Variants in ANKRD50 observed in about 807,000 individuals in gnomAD.
ANKRD50 encodes ankyrin repeat domain-containing protein 50.
In ANKRD50, 40 loss-of-function variants were observed where a neutral mutation model predicts 112.0. That is an observed-to-expected ratio of 0.36 (90% CI 0.28 to 0.46). ANKRD50 has a LOEUF of 0.46. ANKRD50 is among the 20% of genes least tolerant of loss of function. The probability of loss-of-function intolerance (pLI) is 1.00; values close to 1 mark genes in which losing one functional copy is unlikely to be tolerated. For missense variants in ANKRD50, 1,487 were observed against 1,701.7 expected, an observed-to-expected ratio of 0.87 and a Z score of 2.22; for synonymous variants, 613 against 619.1, an observed-to-expected ratio of 0.99 and a Z score of 0.15.
chr4:124,706,725 T>C (rs1725511021), intron 2 of ANKRD50, among the ~76,000 whole-genome samples: 1 of 152,090 alleles, frequency 6.6e-6, no homozygotes, highest in Non-Finnish European at 1.5e-5. Context: ...CCATTATATG[T>C]TGAAAATATC....
chr4:124,708,900 T>G lies in ANKRD50; in HGVS notation c.512+1100A>C, dbSNP rs182114168. Among the ~76,000 whole-genome samples, 15 of 152,168 alleles carry G rather than the reference T, an allele frequency of 9.9e-5. No individual in the cohort carries two copies. In the East Asian group the frequency reaches 2.9e-3, roughly 29 times the overall value. On this transcript the variant is annotated intron_variant, in intron 2 of 4. Transcript: ENST00000504087. The stretch of plus-strand genomic sequence containing the variant: ...TTTGTAAAGCACTTAGAATAATGAC[T>G]GACACTTACTGTTTACTGTAATTAC...
chr4:124,686,915 C>T (rs922812993), intron 2 of ANKRD50, among the ~76,000 whole-genome samples: 1 of 152,160 alleles, frequency 6.6e-6, no homozygotes, highest in Non-Finnish European at 1.5e-5. Context: ...ACTCACCTCT[C>T]CTCCACATTA....
At chr4:124,685,182 A>G (rs1012728628) in intron 2 of ANKRD50, among the ~76,000 whole-genome samples, 9 of 152,176 alleles carry the variant, frequency 5.9e-5, no homozygotes, top group African/African-American at 2.2e-4. Flanking sequence ...CTCCTTGCCC[A>G]TAATGTAGGC....
At chr4:124,704,898 T>A (rs1250066956) in intron 2 of ANKRD50, among the ~76,000 whole-genome samples, 1 of 152,026 alleles carries the variant, frequency 6.6e-6, no homozygotes, top group Non-Finnish European at 1.5e-5. Flanking sequence ...ATCAAGACCA[T>A]CTTGGCTAAC....
intron 2 of ANKRD50, among the ~76,000 whole-genome samples, chr4:124,682,322 C>CAAAAAAA (rs36107017): frequency 1.1e-5 from 1 of 87,540 alleles, no homozygotes; most frequent in Non-Finnish European, 2.3e-5. Flanking sequence ...GACTCCGTCT[C>CAAAAAAA]AAAAAAAAAA....
chr4:124,667,882 A>G (rs1486342919), intron 4 of ANKRD50, among the ~76,000 whole-genome samples: 1 of 151,976 alleles, frequency 6.6e-6, no homozygotes, highest in East Asian at 1.9e-4. Context: ...CTAGATTCAC[A>G]TTGAAGGCTG....
chr4:124,705,101 C>A (rs6857033), intron 2 of ANKRD50, among the ~76,000 whole-genome samples: 48 of 98,716 alleles, frequency 4.9e-4, no homozygotes, highest in African/African-American at 1.1e-3. Context: ...CTCAAAAAAA[C>A]AAACAAACAA....
At chr4:124,673,401 T>C (rs1373599826) in intron 3 of ANKRD50, among the ~76,000 whole-genome samples, 1 of 152,118 alleles carries the variant, frequency 6.6e-6, no homozygotes, top group African/African-American at 2.4e-5. Context: ...TGAAGGAATA[T>C]TCTAACATCT....
chr4:124,672,242 T>C lies in ANKRD50; in HGVS notation c.1035A>G (p.Lys345=). The change falls in exon 4 of 5, where the codon AAA becomes AAG. Residue 345 remains lysine, a synonymous_variant. Transcript: ENST00000504087. ...LWLCQRLFVR[K]QFAKVQPILN... ...AAATAGGCTGAACCTTTGCAAATTG[T>C]TTTCTTACAAAAAGTCTTTGGCACA... 6.2e-7 allele frequency: 1 copy of C among 1,613,790 alleles called. No individual in the cohort carries two copies.
intron 2 of ANKRD50, among the ~76,000 whole-genome samples, chr4:124,682,392 T>C (rs927884123): frequency 1.1e-4 from 16 of 151,356 alleles, no homozygotes; most frequent in African/African-American, 3.6e-4. Context: ...TGTTCTGTAA[T>C]TGACAATTAG....
chr4:124,683,820 T>C (rs1378152253), intron 2 of ANKRD50, among the ~76,000 whole-genome samples: 1 of 151,592 alleles, frequency 6.6e-6, no homozygotes, highest in Non-Finnish European at 1.5e-5. Context: ...TTTGTCATTT[T>C]TCTTTTGACT....
rs1010724297 is a variant in ANKRD50 at position 124,667,011 on chromosome 4, G to A, written c.*507C>T. 5 of 151,660 alleles carry A rather than the reference G, an allele frequency of 3.3e-5. No homozygotes were observed. Among genetic ancestry groups the A allele is most frequent in the Non-Finnish European group, 7.4e-5 (5 of 67,886 alleles). 9.4% of individuals were successfully genotyped at this position (151,660 alleles called of 1,614,324 possible). ...CAATGCTGAAGGTGTAGTGAACATA[G>A]AACAGTTGCAAGATTTGTTTTATTG... On this transcript the variant is annotated 3_prime_UTR_variant, in exon 5 of 5. Coordinates refer to ENST00000504087, the MANE Select transcript of ANKRD50 (RefSeq NM_020337.3).
intron 2 of ANKRD50, among the ~76,000 whole-genome samples, chr4:124,679,972 G>A (rs1724842184): frequency 6.6e-6 from 1 of 152,108 alleles, no homozygotes; most frequent in Non-Finnish European, 1.5e-5. Context: ...ATGACTTCAT[G>A]AGACACAATT....
intron 3 of ANKRD50, among the ~76,000 whole-genome samples, chr4:124,675,009 T>C (rs927846729): frequency 2.6e-5 from 4 of 151,748 alleles, no homozygotes; most frequent in Admixed American, 6.6e-5. Flanking sequence ...ACACAATATA[T>C]AGCTATCAAA....
intron 2 of ANKRD50, among the ~76,000 whole-genome samples, chr4:124,683,496 T>C (rs544598339): frequency 3.3e-5 from 5 of 152,186 alleles, no homozygotes; most frequent in Admixed American, 6.5e-5. Context: ...TATTGTTAAC[T>C]AGTATTATTG....
At chr4:124,687,158 G>C (rs1264431854) in intron 2 of ANKRD50, among the ~76,000 whole-genome samples, 3 of 152,184 alleles carry the variant, frequency 2.0e-5, no homozygotes, top group African/African-American at 7.2e-5. Context: ...ATTTGTTAAA[G>C]ACAGATTAAT....
intron 2 of ANKRD50, among the ~76,000 whole-genome samples, chr4:124,704,390 G>A (rs942120698): frequency 6.6e-6 from 1 of 152,174 alleles, no homozygotes; most frequent in Admixed American, 6.5e-5. Context: ...TCGCCTCTTT[G>A]TTGAGTGCCA....
rs3172524 is a variant in ANKRD50, at chr4:124,666,406, G to C, written c.*1112C>G. ...GTACACATGTGCTATGATTGACAGG[G>C]GAGTGGTGTCATCTGTGAAGGGCAG... On this transcript the variant is annotated 3_prime_UTR_variant, in exon 5 of 5. Transcript: ENST00000504087. 3.3e-5 allele frequency: 5 copies of C among 152,130 alleles called. No individual in the cohort carries two copies. Among genetic ancestry groups the C allele is most frequent in the African/African-American group, 1.2e-4 (5 of 41,304 alleles). The allele number at this position is 152,130 out of a possible 1,614,324, so 9.4% of individuals were successfully genotyped here.
Position 124,671,689 on chromosome 4 carries a change from T to C in ANKRD50, c.1588A>G (p.Thr530Ala), listed in dbSNP as rs747153354. 1.2e-4 allele frequency: 189 copies of C among 1,613,740 alleles called. No individual in the cohort carries two copies. The highest frequency in any genetic ancestry group is 1.6e-4 in the Non-Finnish European group (185 of 1,179,862). Residue 530 changes from threonine (T) to alanine (A), a missense_variant, in exon 4 of 5, where the codon ACA (threonine) becomes GCA (alanine). Transcript: ENST00000504087. ...QALEREDSIRTLLDNGASVNQ... is the reference protein window; with the variant it reads ...QALEREDSIRALLDNGASVNQ... The stretch of plus-strand genomic sequence containing the variant: ...ACTGAAGCTCCATTATCTAATAATG[T>C]CCGAATGGAATCCTCTCTTTCTAAG...
Sources: allele counts gnomAD v4.1 joint callset (sites outside exome capture counted in the v4.1 genomes callset), GRCh38; gene constraint gnomAD v4.1.1; transcripts MANE v1.5; gene names NCBI Gene and HGNC (gene_info 2026-07-23, HGNC 2026-07-21).